FAM20C: variants seen among roughly 807,000 people sequenced by gnomAD.
FAM20C encodes the protein extracellular serine/threonine protein kinase FAM20C.
Under a neutral mutation model 51.5 loss-of-function variants are expected in FAM20C, and 40 were observed. The observed-to-expected ratio is 0.78, with a 90% CI of 0.60 to 1.01. The LOEUF (loss-of-function observed/expected upper bound fraction) is 1.01. FAM20C is among the 50% of genes least tolerant of loss of function. FAM20C has a pLI of 0.00. For missense variants in FAM20C, 861 were observed against 844.7 expected (o/e 1.02, Z -0.24); for synonymous variants, 406 against 380.6 (o/e 1.07, Z -0.78).
chr7:255,114 G>C (rs1412888357), intron 5 of FAM20C, among the ~76,000 whole-genome samples: 3 of 152,304 alleles, frequency 2.0e-5, no homozygotes, highest in African/African-American at 7.2e-5. Context: ...TACATGGGAG[G>C]GGAGTTCCTG....
chr7:213,359 C>G (rs1028174947), intron 3 of FAM20C, among the ~76,000 whole-genome samples: 12 of 152,074 alleles, frequency 7.9e-5, no homozygotes, highest in African/African-American at 1.7e-4. Context: ...GTGTGTAGTC[C>G]TTTGTGAGTG....
rs1785835777 is a variant in FAM20C, at chr7:195,740, T to TC, written c.784+10dup. 3 of 1,593,598 alleles carry TC rather than the reference T, an allele frequency of 1.9e-6. No homozygotes were observed. Among genetic ancestry groups the TC allele is most frequent in the African/African-American group, 1.3e-5 (1 of 74,366 alleles). ...AGAGGATCACCAGCGTGGGTAGGTG[T>TC]CCTTGGGTGCACTCAGGGCCGTCTG... On this transcript the variant is annotated intron_variant, in intron 2 of 9. Coordinates refer to ENST00000313766, the MANE Select transcript of FAM20C (RefSeq NM_020223.4).
chr7:201,556 C>A (rs1786128188), intron 2 of FAM20C, among the ~76,000 whole-genome samples: 1 of 152,238 alleles, frequency 6.6e-6, no homozygotes, highest in Non-Finnish European at 1.5e-5. Flanking sequence ...TCTCTCCAGA[C>A]CTGCTCTGGG....
rs1321896914 is a variant in FAM20C at position 193,585 on chromosome 7, T to G, written c.386T>G (p.Leu129Arg). The G allele has an allele frequency of 6.5e-6, 10 of 1,531,570 alleles. No homozygotes were observed. The highest frequency in any genetic ancestry group is 8.8e-6 in the Non-Finnish European group (10 of 1,139,142). 94.9% of individuals were successfully genotyped at this position (1,531,570 alleles called of 1,614,324 possible). A position where few individuals can be genotyped will look rare whatever the true frequency, so the allele number is the denominator to read the frequency against. ...RALRGRDPGA[L>R]RPHDPAHRPL... ...TTGCGGGGGCGGGATCCCGGCGCCC[T>G]AAGACCCCACGACCCCGCGCACCGG... is the stretch of plus-strand genomic sequence containing the variant. The change falls in exon 1 of 10, where the codon CTA becomes CGA. Residue 129 changes from leucine (L) to arginine (R), a missense_variant. Leu to Arg is a moderately radical substitution (Grantham distance 102). Coordinates refer to ENST00000313766, the MANE Select transcript of FAM20C (RefSeq NM_020223.4).
chr7:254,549 C>T (rs1788517993), intron 5 of FAM20C, among the ~76,000 whole-genome samples: 1 of 152,260 alleles, frequency 6.6e-6, no homozygotes, highest in African/African-American at 2.4e-5. Flanking sequence ...ACCCGCACTG[C>T]TAGCGGGCCT....
intron 9 of FAM20C, among the ~76,000 whole-genome samples, chr7:259,163 C>A (rs889109216): frequency 6.6e-6 from 1 of 152,284 alleles, no homozygotes; most frequent in South Asian, 2.1e-4. Context: ...CCGTGTTGTG[C>A]GGATGTGCTG....
At chr7:235,491 C>G (rs1787820494) in intron 3 of FAM20C, among the ~76,000 whole-genome samples, 1 of 152,034 alleles carries the variant, frequency 6.6e-6, no homozygotes. Flanking sequence ...TTCCACCCTG[C>G]ACATAGTCAG....
chr7:218,951 G>A lies in FAM20C; in HGVS notation c.863+9975G>A, dbSNP rs532806130. 2.0e-4 allele frequency among the ~76,000 whole-genome samples: 31 copies of A among 152,222 alleles called. No homozygotes were observed. In the South Asian group the frequency reaches 5.4e-3, roughly 26 times the overall value. On this transcript the variant is annotated intron_variant, in intron 3 of 9. Coordinates refer to ENST00000313766, the MANE Select transcript of FAM20C (RefSeq NM_020223.4). ...CCGGGAGCTGACACGGGCCCAGGAC[G>A]GACAGATCACTCTGGTCCAGCCCAA...
At chr7:218,272 C>A (rs1787095705) in intron 3 of FAM20C, among the ~76,000 whole-genome samples, 1 of 152,168 alleles carries the variant, frequency 6.6e-6, no homozygotes. Context: ...CCGGCAGCTC[C>A]TCGCCCTGCA....
At chr7:230,526 G>A (rs1787628791) in intron 3 of FAM20C, among the ~76,000 whole-genome samples, 2 of 152,288 alleles carry the variant, frequency 1.3e-5, no homozygotes, top group South Asian at 4.2e-4. Flanking sequence ...TGGATGGAGG[G>A]TGGCCGGGCC....
Position 210,889 on chromosome 7 carries a change from G to C in FAM20C, c.863+1913G>C, listed in dbSNP as rs964166888. Among the ~76,000 whole-genome samples, 3 of 152,154 alleles carry C rather than the reference G, an allele frequency of 2.0e-5. No homozygotes were observed. In the East Asian group the frequency reaches 5.8e-4, roughly 29 times the overall value. ...CAGGCCCTGCGGGAACCGGCGTCTCGTGGGCACTCGGTAGCTGTGGGCCCG... is the reference window on the plus strand; with the variant it reads ...CAGGCCCTGCGGGAACCGGCGTCTCCTGGGCACTCGGTAGCTGTGGGCCCG... On this transcript the variant is annotated intron_variant, in intron 3 of 9. Transcript: ENST00000313766.
Position 208,879 on chromosome 7 carries a change from C to A in FAM20C, c.785-19C>A, listed in dbSNP as rs2115066460. 1.3e-6 allele frequency: 2 copies of A among 1,559,090 alleles called. No individual in the cohort carries two copies. Among genetic ancestry groups the A allele is most frequent in the Non-Finnish European group, 1.7e-6 (2 of 1,151,338 alleles). On this transcript the variant is annotated intron_variant, in intron 2 of 9. Coordinates refer to ENST00000313766, the MANE Select transcript of FAM20C (RefSeq NM_020223.4). ...GTGAGGCCAGAGAGTGACCCTGTTT[C>A]TCTCCCTCCTTCCTGCAGCCATGAA...
Position 256,660 on chromosome 7 carries a change from G to A in FAM20C, c.1260G>A (p.Glu420=), listed in dbSNP as rs1362652653. The change falls in exon 7 of 10, where the codon GAG becomes GAA. Residue 420 remains glutamate, a synonymous_variant. Transcript: ENST00000313766. ...TCACGCTGGCTCCCCGCAGGTGGGA[G>A]GTGGACCCTGACTACTGCGAGGAGG... ...SYHKRKKAEW[E]VDPDYCEEVK... 6.5e-7 allele frequency: 1 copy of A among 1,536,000 alleles called. No homozygotes were observed. The highest frequency in any genetic ancestry group is 2.0e-5 in the Admixed American group (1 of 51,002).
rs1222010721 is a variant in FAM20C at position 257,974 on chromosome 7, G to T, written c.1446-672G>T. On this transcript the variant is annotated intron_variant, in intron 8 of 9. Transcript: ENST00000313766. Reference sequence around the variant, plus strand: ...TGGACCCACTGCCTGAGGTGCTGGAGATAGGCAGTGTGGACCCACTGCCTG... The same window carrying T: ...TGGACCCACTGCCTGAGGTGCTGGATATAGGCAGTGTGGACCCACTGCCTG... Among the ~76,000 whole-genome samples, 4 of 108,786 alleles carry T rather than the reference G, an allele frequency of 3.7e-5. 2 individuals are homozygous for T. The highest frequency in any genetic ancestry group is 1.5e-4 in the African/African-American group (4 of 26,066). 71.4% of individuals were successfully genotyped at this position (108,786 alleles called of 152,430 possible). A position where few individuals can be genotyped will look rare whatever the true frequency, so the allele number is the denominator to read the frequency against.
At chr7:217,619 G>A (rs528861563) in intron 3 of FAM20C, among the ~76,000 whole-genome samples, 133 of 152,300 alleles carry the variant, frequency 8.7e-4, no homozygotes, top group Non-Finnish European at 1.5e-3. Flanking sequence ...TTTCCCTGAA[G>A]CGGCTTCTGA....
intron 3 of FAM20C, among the ~76,000 whole-genome samples, chr7:222,953 T>A (rs1001518783): frequency 6.6e-6 from 1 of 152,078 alleles, no homozygotes; most frequent in African/African-American, 2.4e-5. Flanking sequence ...CATGTGTGTG[T>A]GAGGGCGTTC....
Position 193,674 on chromosome 7 carries a change from T to C in FAM20C, c.475T>C (p.Ser159Pro). 1 of 1,539,528 alleles carries C rather than the reference T, an allele frequency of 6.5e-7. No individual in the cohort carries two copies. Among genetic ancestry groups the C allele is most frequent in the South Asian group, 1.2e-5 (1 of 83,024 alleles). Residue 159 changes from serine (S) to proline (P), a missense_variant, in exon 1 of 10, where the codon TCC becomes CCC. This residue lies in a region of FAM20C where 561 missense variants were observed against 499.8 expected (regional missense o/e 1.12). Transcript: ENST00000313766. ...ESPPGPGGDA[S>P]LLARLFEHPL... ...GCCCCCCGGCCCCGGCGGAGACGCC[T>C]CCCTCCTGGCCAGGCTGTTCGAGCA...
chr7:257,836 A>ACACACTGCCCAGGATGCTGGAGATGGGCT (rs1788659173), intron 8 of FAM20C, among the ~76,000 whole-genome samples: 1 of 48,602 alleles, frequency 2.1e-5, no homozygotes, highest in Non-Finnish European at 4.3e-5. Context: ...GGAGATGGGC[A>ACACACTGCCCAGGATGCTGGAGATGGGCT]GGGTGGACCC....
rs566901576 is a variant in FAM20C, at chr7:223,057, ACT to A, written c.863+14083_863+14084del. Among the ~76,000 whole-genome samples the A allele has an allele frequency of 2.9e-4, 44 of 152,016 alleles. 1 individual carries two copies. Among genetic ancestry groups the A allele is most frequent in the African/African-American group, 9.9e-4 (41 of 41,466 alleles). On this transcript the variant is annotated intron_variant, in intron 3 of 9. Coordinates refer to ENST00000313766, the MANE Select transcript of FAM20C (RefSeq NM_020223.4). ...TGTATGTGAGGGCGTGTGTGTGCAC[ACT>A]CATGCACGTGTGTGTAGGCTTATGT... is the stretch of plus-strand genomic sequence containing the variant.
Sources: allele counts gnomAD v4.1 joint callset (sites outside exome capture counted in the v4.1 genomes callset), GRCh38; gene constraint gnomAD v4.1.1; regional missense constraint gnomAD v4.1.1; transcripts MANE v1.5; gene names NCBI Gene and HGNC (gene_info 2026-07-23, HGNC 2026-07-21).